Variants in KCTD13 observed in about 807,000 individuals in gnomAD.
The protein encoded by KCTD13 is BTB/POZ domain-containing adapter for CUL3-mediated RhoA degradation protein 1.
In KCTD13, 15 loss-of-function variants were observed where a neutral mutation model predicts 32.3. The observed-to-expected ratio is 0.46, with a 90% CI of 0.31 to 0.71. KCTD13 has a LOEUF of 0.71. Among genes scored for constraint, KCTD13 ranks in the 30% least tolerant of loss-of-function variants. The probability of loss-of-function intolerance (pLI) is 0.05; values close to 1 mark genes in which losing one functional copy is unlikely to be tolerated. For synonymous variants in KCTD13, 189 were observed against 200.1 expected (o/e 0.94, Z 0.47); for missense variants, 337 against 452.6 (o/e 0.74, Z 2.32).
In KCTD13 at chr16:29,918,487, T is replaced by C. The variant is rs1444202626; in HGVS notation, c.414+4703A>G. Among the ~76,000 whole-genome samples, 4 of 152,214 alleles carry C rather than the reference T, an allele frequency of 2.6e-5. No homozygotes were observed. The East Asian group carries it at 5.8e-4, about 22-fold the overall frequency. ...TTATTTTATTATTTATTCATTTATT[T>C]TGAGACAGAGTCTTGCTCTGTTGAC... On this transcript the variant is annotated intron_variant, in intron 2 of 5. Coordinates refer to ENST00000568000, the MANE Select transcript of KCTD13 (RefSeq NM_178863.5).
At chr16:29,921,437 G>C (rs2068910454) in intron 2 of KCTD13, 1 of 152,154 alleles carries the variant, frequency 6.6e-6, no homozygotes, top group South Asian at 2.1e-4. Context: ...TACAGCTCTT[G>C]GGAGGCTGAA....
At chr16:29,918,702 G>C (rs1045652064) in intron 2 of KCTD13, among the ~76,000 whole-genome samples, 4 of 151,976 alleles carry the variant, frequency 2.6e-5, no homozygotes, top group Non-Finnish European at 1.5e-5. Flanking sequence ...TGTTGCCCAG[G>C]CTGGAGTGCA....
chr16:29,923,032 G>A (rs955692415), intron 2 of KCTD13, 158 bp downstream of exon 2: 18 of 735,318 alleles, frequency 2.4e-5, no homozygotes, highest in South Asian at 1.4e-4. Flanking sequence ...TGCCTGAGGC[G>A]GCAGGGATGC....
chr16:29,918,949 C>T (rs1364871402), intron 2 of KCTD13, among the ~76,000 whole-genome samples: 1 of 151,966 alleles, frequency 6.6e-6, no homozygotes, highest in African/African-American at 2.4e-5. Flanking sequence ...TGAGCCACCG[C>T]ACCTGGCATA....
chr16:29,906,603 A>G lies in KCTD13; in HGVS notation c.*269T>C, dbSNP rs568120920. 4 of 628,322 alleles carry G rather than the reference A, an allele frequency of 6.4e-6. No homozygotes were observed. The highest frequency in any genetic ancestry group is 5.4e-5 in the African/African-American group (3 of 55,664). 38.9% of individuals were successfully genotyped at this position (628,322 alleles called of 1,614,324 possible). Reference sequence around the variant, plus strand: ...GAAAGGGAATTCTAAATCCCTCTTAACCAGCTGGAGAGGGAAGGACGCAGG... The same window carrying G: ...GAAAGGGAATTCTAAATCCCTCTTAGCCAGCTGGAGAGGGAAGGACGCAGG... On this transcript the variant is annotated 3_prime_UTR_variant, in exon 6 of 6. Coordinates refer to ENST00000568000, the MANE Select transcript of KCTD13 (RefSeq NM_178863.5).
Position 29,906,766 on chromosome 16 carries a change from G to T in KCTD13, c.*106C>A. 1 of 907,734 alleles carries T rather than the reference G, an allele frequency of 1.1e-6. No individual in the cohort carries two copies. Among genetic ancestry groups the T allele is most frequent in the Non-Finnish European group, 1.7e-6 (1 of 579,970 alleles). 56.2% of individuals were successfully genotyped at this position (907,734 alleles called of 1,614,324 possible). On this transcript the variant is annotated 3_prime_UTR_variant, in exon 6 of 6. Coordinates refer to ENST00000568000, the MANE Select transcript of KCTD13 (RefSeq NM_178863.5). ...GCCATGCAATGAAGGGACAGAGGAG[G>T]ACCCACGACTTGGCCAGCAGAGCCG...
intron 5 of KCTD13, among the ~76,000 whole-genome samples, chr16:29,908,793 C>A (rs948128991): frequency 2.6e-5 from 4 of 151,900 alleles, no homozygotes; most frequent in African/African-American, 7.3e-5. Context: ...GCCTCAACCT[C>A]CCGGGCTCAA....
intron 2 of KCTD13, chr16:29,921,390 G>C (rs2068909694): frequency 6.6e-6 from 1 of 152,180 alleles, no homozygotes; most frequent in Non-Finnish European, 1.5e-5. Context: ...GAGGTGCAGA[G>C]GGAACCTGGA....
chr16:29,925,632 G>T, intron 1 of KCTD13, 158 bp downstream of exon 1: 1 of 674,232 alleles, frequency 1.5e-6, no homozygotes, highest in Non-Finnish European at 2.5e-6. Context: ...ATGAGAAAGG[G>T]GAGGAGATGG....
intron 1 of KCTD13, among the ~76,000 whole-genome samples, chr16:29,924,042 C>T (rs1315091886): frequency 7.3e-5 from 11 of 150,274 alleles, no homozygotes; most frequent in Non-Finnish European, 1.2e-4. Context: ...GGCATGGTGG[C>T]GCATGCCTGT....
intron 2 of KCTD13, chr16:29,914,821 G>A (rs1040336243): frequency 4.6e-5 from 7 of 152,234 alleles, no homozygotes; most frequent in African/African-American, 1.7e-4. Flanking sequence ...GGCAGGCACA[G>A]GATAACCAGT....
chr16:29,923,223 C>T lies in KCTD13; in HGVS notation c.381G>A (p.Gln127=). ...CCAGCTGGCAGTCCTCAATCAGGCC[C>T]TGCACCAGGTAGTAGCGTGCTTCGC... ...LLGEARYYLV[Q]GLIEDCQLAL... The change falls in exon 2 of 6, where the codon CAG becomes CAA. Residue 127 remains glutamine (Q), a synonymous_variant. Transcript: ENST00000568000. 1 of 1,614,230 alleles carries T rather than the reference C, an allele frequency of 6.2e-7. No individual in the cohort carries two copies. Among genetic ancestry groups the T allele is most frequent in the Non-Finnish European group, 8.5e-7 (1 of 1,180,040 alleles).
Position 29,923,673 on chromosome 16 carries a change from C to T in KCTD13, c.245-314G>A, listed in dbSNP as rs147878455. 4.8e-3 allele frequency among the ~76,000 whole-genome samples: 736 copies of T among 151,916 alleles called. 3 individuals are homozygous for T. The highest frequency in any genetic ancestry group is 0.017 in the African/African-American group (713 of 41,408). ...GGTCAGGAGTTTGAGACTAGCAGGACCAACACGGAGAAACCCCATCTCTAC... is the reference window on the plus strand; with the variant it reads ...GGTCAGGAGTTTGAGACTAGCAGGATCAACACGGAGAAACCCCATCTCTAC... On this transcript the variant is annotated intron_variant, in intron 1 of 5. Transcript: ENST00000568000.
In KCTD13 at chr16:29,911,117, C is replaced by A; in HGVS notation, c.614G>T (p.Arg205Leu). Residue 205 changes from arginine to leucine, a missense_variant, in exon 5 of 6, where the codon CGC becomes CTC. Physicochemically the swap from Arg to Leu is moderately radical, Grantham distance 102 (BLOSUM62 -2). Transcript: ENST00000568000. ...GAGGAAGAGTAGCCGCCCGTGGAAG[C>A]GCAGGGCCAGCTTGTCGAACAGCTC... ...NIELFDKLAL[R>L]FHGRLLFLKD... 1 of 1,614,162 alleles carries A rather than the reference C, an allele frequency of 6.2e-7. No homozygotes were observed. Among genetic ancestry groups the A allele is most frequent in the Non-Finnish European group, 8.5e-7 (1 of 1,180,016 alleles).
rs2068994819 is a variant in KCTD13, at chr16:29,926,142, C to G, written c.-109G>C. The G allele has an allele frequency of 1.6e-6, 2 of 1,219,146 alleles. No individual in the cohort carries two copies. Among genetic ancestry groups the G allele is most frequent in the Admixed American group, 3.5e-5 (1 of 28,472 alleles). 75.5% of individuals were successfully genotyped at this position (1,219,146 alleles called of 1,614,324 possible). Reference sequence around the variant, plus strand: ...CCCTTGGGCCAGACCGCTCGGCGCACACGCCCACTCACCGCAGCTACTCTG... The same window carrying G: ...CCCTTGGGCCAGACCGCTCGGCGCAGACGCCCACTCACCGCAGCTACTCTG... On this transcript the variant is annotated 5_prime_UTR_variant, in exon 1 of 6. Coordinates refer to ENST00000568000, the MANE Select transcript of KCTD13 (RefSeq NM_178863.5).
intron 1 of KCTD13, 186 bp downstream of exon 1, chr16:29,925,604 G>A (rs1483553376): frequency 1.6e-6 from 1 of 631,082 alleles, no homozygotes; most frequent in African/African-American, 1.8e-5. Context: ...GATTGGGGGA[G>A]GAGAAGAGAA....
In KCTD13 at chr16:29,923,220, G is replaced by A. The variant is rs1458468361; in HGVS notation, c.384C>T (p.Gly128=). Residue 128 remains glycine, a synonymous_variant, in exon 2 of 6, where the codon GGC becomes GGT. Coordinates refer to ENST00000568000, the MANE Select transcript of KCTD13 (RefSeq NM_178863.5). ...GCGCCAGCTGGCAGTCCTCAATCAG[G>A]CCCTGCACCAGGTAGTAGCGTGCTT... ...LGEARYYLVQ[G]LIEDCQLALQ... 1 of 1,614,216 alleles carries A rather than the reference G, an allele frequency of 6.2e-7. No homozygotes were observed. Among genetic ancestry groups the A allele is most frequent in the Admixed American group, 1.7e-5 (1 of 60,028 alleles).
In KCTD13 at chr16:29,910,975, G is replaced by A; in HGVS notation, c.753+3C>T. 1 of 1,613,518 alleles carries A rather than the reference G, an allele frequency of 6.2e-7. No homozygotes were observed. The highest frequency in any genetic ancestry group is 1.1e-5 in the South Asian group (1 of 91,018). ...CCAACATAGGCTCTGGAGCCCCTCT[G>A]ACCTTGGTCTGCTTCTTCTCCGTAG... On this transcript the variant is annotated splice_donor_region_variant and intron_variant, in intron 5 of 5. Coordinates refer to ENST00000568000, the MANE Select transcript of KCTD13 (RefSeq NM_178863.5).
At position 29,925,923 on chromosome 16, in the gene KCTD13, G is replaced by C. The variant is rs756803410; in HGVS notation, c.111C>G (p.Thr37=). Residue 37 remains threonine (T), a synonymous_variant, in exon 1 of 6, where the codon ACC becomes ACG. Transcript: ENST00000568000. ...GPAAYGLKPL[T]PNSKYVKLNV... is the part of the protein sequence containing the mutation. ...TCAGCTTCACGTATTTGCTGTTCGG[G>C]GTCAGCGGCTTGAGACCGTAGGCGG... 1 of 1,614,048 alleles carries C rather than the reference G, an allele frequency of 6.2e-7. No homozygotes were observed. Among genetic ancestry groups the C allele is most frequent in the Non-Finnish European group, 8.5e-7 (1 of 1,179,946 alleles).
Sources: gnomAD v4.1 joint callset for allele counts (sites outside exome capture counted in the v4.1 genomes callset) on GRCh38, gnomAD v4.1.1 for gene constraint, MANE v1.5 for transcripts, NCBI Gene and HGNC (gene_info 2026-07-23, HGNC 2026-07-21) for gene names.